The following IPO11 variants were observed in gnomAD, a reference collection of about 807,000 sequenced individuals.
IPO11 encodes the protein importin-11.
In IPO11, 66 loss-of-function variants were observed where a neutral mutation model predicts 143.2. The ratio of observed to expected loss-of-function variants is 0.46; its 90% CI spans 0.38 to 0.57. The LOEUF (loss-of-function observed/expected upper bound fraction) is 0.57, where lower values mean the gene tolerates loss of function less well. IPO11 is among the 20% of genes least tolerant of loss of function. The pLI is 0.00. For missense variants in IPO11, 1,026 were observed against 1,141.0 expected, an observed-to-expected ratio of 0.90 and a Z score of 1.45; for synonymous variants, 385 against 377.8, an observed-to-expected ratio of 1.02 and a Z score of -0.22.
Position 62,538,043 on chromosome 5 carries a change from T to A in IPO11, c.2250+754T>A, listed in dbSNP as rs975230698. 1.3e-3 allele frequency among the ~76,000 whole-genome samples: 199 copies of A among 152,016 alleles called. 1 individual carries two copies. Among genetic ancestry groups the A allele is most frequent in the African/African-American group, 4.3e-3 (179 of 41,510 alleles). On this transcript the variant is annotated intron_variant, in intron 24 of 29. Transcript: ENST00000325324. ...ATAATAAAATAAATATAAAATTGAT[T>A]AAAAAAAAGTACCTTTATTTTTAGT...
At chr5:62,476,302 A>C (rs1273691217) in intron 8 of IPO11, among the ~76,000 whole-genome samples, 1 of 152,168 alleles carries the variant, frequency 6.6e-6, no homozygotes, top group Non-Finnish European at 1.5e-5. Context: ...TATCAGAATA[A>C]ATTTGTCAGA....
At chr5:62,450,401 T>C (rs1744868107) in intron 4 of IPO11, among the ~76,000 whole-genome samples, 1 of 152,220 alleles carries the variant, frequency 6.6e-6, no homozygotes, top group Admixed American at 6.5e-5. Context: ...TGTCCTAATA[T>C]TGTAGTGCAA....
chr5:62,523,908 T>C (rs966188278), intron 20 of IPO11, among the ~76,000 whole-genome samples: 5 of 150,174 alleles, frequency 3.3e-5, no homozygotes, highest in African/African-American at 9.8e-5. Context: ...ATGCTATTTT[T>C]TTTTAAACTT....
At chr5:62,466,684 C>T (rs1227575402) in intron 5 of IPO11, among the ~76,000 whole-genome samples, 1 of 152,142 alleles carries the variant, frequency 6.6e-6, no homozygotes, top group Non-Finnish European at 1.5e-5. Flanking sequence ...ATTAAATGTG[C>T]AAAAGCCATA....
chr5:62,490,265 T>A, intron 15 of IPO11, 45 bp downstream of exon 15: 1 of 1,259,590 alleles, frequency 7.9e-7, no homozygotes, highest in Non-Finnish European at 1.1e-6. Flanking sequence ...CTTTACCTTA[T>A]TTATTTTATT....
intron 24 of IPO11, among the ~76,000 whole-genome samples, chr5:62,543,370 ATTGGTCTAT>A (rs1408252693): frequency 2.0e-5 from 3 of 152,104 alleles, no homozygotes; most frequent in African/African-American, 7.2e-5. Flanking sequence ...AGAGCCTGTT[ATTGGTCTAT>A]TCAGGGATTC....
chr5:62,570,199 A>G (rs905486460), intron 27 of IPO11, among the ~76,000 whole-genome samples: 1 of 152,186 alleles, frequency 6.6e-6, no homozygotes. Context: ...AAGAAGGTAA[A>G]TGATTAATTC....
At chr5:62,539,439 A>G (rs1232156249) in intron 24 of IPO11, among the ~76,000 whole-genome samples, 1 of 152,192 alleles carries the variant, frequency 6.6e-6, no homozygotes, top group African/African-American at 2.4e-5. Context: ...TAATATCTTC[A>G]TCTTACCTTG....
At chr5:62,463,966 G>A (rs1292535287) in intron 5 of IPO11, among the ~76,000 whole-genome samples, 1 of 151,416 alleles carries the variant, frequency 6.6e-6, no homozygotes. Context: ...TGGGATTACA[G>A]GCACGTGCCA....
chr5:62,435,154 A>ATATGTATG (rs1360146441), intron 1 of IPO11, among the ~76,000 whole-genome samples: 1 of 62,728 alleles, frequency 1.6e-5, no homozygotes, highest in Non-Finnish European at 3.1e-5. Flanking sequence ...GTATATATGT[A>ATATGTATG]TATATATGTA....
At position 62,414,852 on chromosome 5, in the gene IPO11, A is replaced by G. The variant is rs529041539; in HGVS notation, c.-7+1923A>G. Among the ~76,000 whole-genome samples the G allele has an allele frequency of 3.2e-4, 49 of 152,336 alleles. No homozygotes were observed. The South Asian group carries it at 9.5e-3, about 30-fold the overall frequency. ...ACAAACCGGTATAAAAATTTATAGC[A>G]TCATTTATTTTAATCTGAGGTGATC... On this transcript the variant is annotated intron_variant, in intron 1 of 29. Coordinates refer to ENST00000325324, the MANE Select transcript of IPO11 (RefSeq NM_016338.5).
chr5:62,439,683 A>G lies in IPO11; in HGVS notation c.138+2266A>G, dbSNP rs887617439. On this transcript the variant is annotated intron_variant, in intron 2 of 29. Transcript: ENST00000325324. ...ATGATCCTCCCACCTTGGCCTCCAA[A>G]TGTCTTTATTTTTATTACCTGTAAT... Among the ~76,000 whole-genome samples, 74 of 151,692 alleles carry G rather than the reference A, an allele frequency of 4.9e-4. 1 individual carries two copies. The highest frequency in any genetic ancestry group is 3.6e-3 in the Admixed American group (55 of 15,238).
chr5:62,468,797 A>C (rs1357551580), intron 6 of IPO11, among the ~76,000 whole-genome samples: 1 of 152,170 alleles, frequency 6.6e-6, no homozygotes, highest in Non-Finnish European at 1.5e-5. Flanking sequence ...TTAACTTTTT[A>C]GAGATATCCT....
At position 62,450,013 on chromosome 5, in the gene IPO11, G is replaced by T; in HGVS notation, c.312+14G>T. The T allele has an allele frequency of 2.6e-6, 4 of 1,550,614 alleles. No individual in the cohort carries two copies. Among genetic ancestry groups the T allele is most frequent in the Non-Finnish European group, 3.5e-6 (4 of 1,144,038 alleles). On this transcript the variant is annotated intron_variant, in intron 4 of 29. Transcript: ENST00000325324. ...CCAATAAACCAGGTTAGTGAGAAAT[G>T]AATGCTAATTTTTCTTTTTATTTGT...
At chr5:62,582,292 G>C (rs971090865) in intron 27 of IPO11, among the ~76,000 whole-genome samples, 1 of 152,202 alleles carries the variant, frequency 6.6e-6, no homozygotes, top group Non-Finnish European at 1.5e-5. Context: ...AAAAAGGATG[G>C]ATGGATCCAG....
At chr5:62,569,405 T>A (rs1744062470) in intron 27 of IPO11, among the ~76,000 whole-genome samples, 1 of 152,240 alleles carries the variant, frequency 6.6e-6, no homozygotes, top group Non-Finnish European at 1.5e-5. Context: ...ATTCTACAGA[T>A]TATTCTGCAA....
At chr5:62,560,268 T>A (rs2112364765) in intron 26 of IPO11, among the ~76,000 whole-genome samples, 1 of 152,286 alleles carries the variant, frequency 6.6e-6, no homozygotes, top group Middle Eastern at 3.4e-3. Flanking sequence ...CATTTTTGTC[T>A]CCGCAGTCAG....
intron 27 of IPO11, chr5:62,580,544 G>A: frequency 6.4e-7 from 1 of 1,551,332 alleles, no homozygotes; most frequent in Non-Finnish European, 8.7e-7. Flanking sequence ...AAACTTTTGG[G>A]CCTTCGAGAC....
rs147986979 is a variant in IPO11 at position 62,508,650 on chromosome 5, GC to G, written c.1782+2294del. Among the ~76,000 whole-genome samples, 108 of 137,538 alleles carry G rather than the reference GC, an allele frequency of 7.9e-4. 2 individuals are homozygous for G. The East Asian group carries it at 0.024, about 30-fold the overall frequency. The allele number at this position is 137,538 out of a possible 152,430, so 90.2% of individuals were successfully genotyped here. On this transcript the variant is annotated intron_variant, in intron 19 of 29. Transcript: ENST00000325324. ...TCTCTCTTTCTTTCTTTCACAAAGT[GC>G]AGGTTTGTTACGTAGGTATACATGT...
Sources: allele counts gnomAD v4.1 joint callset (sites outside exome capture counted in the v4.1 genomes callset), GRCh38; gene constraint gnomAD v4.1.1; transcripts MANE v1.5; gene names NCBI Gene and HGNC (gene_info 2026-07-23, HGNC 2026-07-21).